Variants in LRP1B observed in about 807,000 individuals in gnomAD.
LRP1B encodes low-density lipoprotein receptor-related protein 1B.
Under a neutral mutation model 556.6 loss-of-function variants are expected in LRP1B, and 217 were observed. The ratio of observed to expected loss-of-function variants is 0.39; its 90% CI spans 0.35 to 0.44. The LOEUF is 0.44. LRP1B is among the 20% of genes least tolerant of loss of function. The probability of loss-of-function intolerance (pLI) is 1.00; values close to 1 mark genes in which losing one functional copy is unlikely to be tolerated. For missense variants in LRP1B, 5,053 were observed against 5,620.8 expected, an observed-to-expected ratio of 0.90 and a Z score of 3.23; for synonymous variants, 2,047 against 1,865.8, an observed-to-expected ratio of 1.10 and a Z score of -2.50.
chr2:140,287,007 A>T (rs907915869), intron 84 of LRP1B, among the ~76,000 whole-genome samples: 1 of 151,736 alleles, frequency 6.6e-6, no homozygotes, highest in South Asian at 2.1e-4. Flanking sequence ...GTTATAGAAT[A>T]CTGTTTGTTA....
chr2:140,663,666 A>G (rs776661485), intron 41 of LRP1B, among the ~76,000 whole-genome samples: 1 of 152,148 alleles, frequency 6.6e-6, no homozygotes, highest in Admixed American at 6.6e-5. Context: ...CCCGACCACT[A>G]AAACTTTCTC....
intron 7 of LRP1B, among the ~76,000 whole-genome samples, chr2:141,163,626 T>C (rs552432865): frequency 6.6e-6 from 1 of 152,186 alleles, no homozygotes; most frequent in African/African-American, 2.4e-5. Context: ...GGTTCTCCCA[T>C]ACTGTTCTTA....
chr2:141,507,260 G>A (rs1683965377), intron 2 of LRP1B, among the ~76,000 whole-genome samples: 1 of 152,160 alleles, frequency 6.6e-6, no homozygotes, highest in Admixed American at 6.6e-5. Context: ...CTTACTATGG[G>A]AAAGATATAC....
At position 141,744,804 on chromosome 2, in the gene LRP1B, A is replaced by C. The variant is rs369767331; in HGVS notation, c.205+65475T>G. On this transcript the variant is annotated intron_variant, in intron 2 of 90. Transcript: ENST00000389484. ...GAGTTAGGTATTTATTGTAGTCTTC[A>C]CAGTCTGGGCTTGTTTGTACCCATC... 3.3e-5 allele frequency among the ~76,000 whole-genome samples: 5 copies of C among 152,262 alleles called. No individual in the cohort carries two copies. In the East Asian group the frequency reaches 9.7e-4, roughly 29 times the overall value.
intron 7 of LRP1B, among the ~76,000 whole-genome samples, chr2:141,112,696 A>C (rs760187299): frequency 4.3e-4 from 65 of 152,202 alleles, no homozygotes; most frequent in Non-Finnish European, 8.7e-4. Context: ...AGAAGCCTGC[A>C]AGAACCTAAC....
At chr2:140,358,658 A>C (rs1462845615) in intron 73 of LRP1B, among the ~76,000 whole-genome samples, 163 bp downstream of exon 73, 1 of 151,754 alleles carries the variant, frequency 6.6e-6, no homozygotes, top group Non-Finnish European at 1.5e-5. Context: ...AAGGCAAATG[A>C]AATGCTGGTG....
At chr2:140,252,092 CAAAAAACAAA>C (rs1429547763) in intron 86 of LRP1B, among the ~76,000 whole-genome samples, 92 of 46,830 alleles carry the variant, frequency 2.0e-3, no homozygotes, top group African/African-American at 7.2e-3. Flanking sequence ...AAAAAAAACC[CAAAAAACAAA>C]AAAAAACAGA....
intron 3 of LRP1B, among the ~76,000 whole-genome samples, chr2:141,471,006 T>C (rs374118757): frequency 2.0e-5 from 3 of 152,150 alleles, no homozygotes; most frequent in East Asian, 3.9e-4. Flanking sequence ...GTTGTCGATT[T>C]TGACTTTCAT....
intron 84 of LRP1B, among the ~76,000 whole-genome samples, chr2:140,289,186 A>G (rs534450805): frequency 6.6e-6 from 1 of 152,008 alleles, no homozygotes; most frequent in African/African-American, 2.4e-5. Flanking sequence ...AATTTTATAA[A>G]CATGCTGCTG....
chr2:141,868,860 A>G (rs1471926394), intron 1 of LRP1B, among the ~76,000 whole-genome samples: 1 of 152,132 alleles, frequency 6.6e-6, no homozygotes, highest in East Asian at 1.9e-4. Flanking sequence ...TTACTGCCTA[A>G]TAACTGAGGC....
chr2:142,116,261 A>C (rs981715487), intron 1 of LRP1B, among the ~76,000 whole-genome samples: 2 of 151,536 alleles, frequency 1.3e-5, no homozygotes, highest in Non-Finnish European at 2.9e-5. Flanking sequence ...GATTAACATA[A>C]CTAATAATAG....
chr2:141,352,925 T>C (rs569221667), intron 3 of LRP1B, among the ~76,000 whole-genome samples: 7 of 152,108 alleles, frequency 4.6e-5, no homozygotes, highest in African/African-American at 1.7e-4. Context: ...TCAAAATGAT[T>C]AAAATTATAT....
chr2:141,953,879 A>T (rs1701177924), intron 1 of LRP1B, among the ~76,000 whole-genome samples: 1 of 152,124 alleles, frequency 6.6e-6, no homozygotes, highest in Non-Finnish European at 1.5e-5. Flanking sequence ...CACTGTGGTA[A>T]TTGTTGAGAC....
chr2:140,609,176 G>A (rs903734847), intron 41 of LRP1B, among the ~76,000 whole-genome samples: 13 of 152,052 alleles, frequency 8.5e-5, no homozygotes, highest in African/African-American at 3.1e-4. Context: ...GCTGTAATTC[G>A]CCATCCAAGG....
At chr2:141,003,136 G>C (rs1341130731) in intron 15 of LRP1B, among the ~76,000 whole-genome samples, 1 of 151,722 alleles carries the variant, frequency 6.6e-6, no homozygotes, top group Non-Finnish European at 1.5e-5. Flanking sequence ...GGTCATAAAT[G>C]GTAACAGAAA....
intron 41 of LRP1B, among the ~76,000 whole-genome samples, chr2:140,641,293 T>A (rs16844373): frequency 0.073 from 11,112 of 152,258 alleles, 501 homozygotes; most frequent in African/African-American, 0.11. Context: ...TCTTTAATAA[T>A]CAATAGCAAT....
intron 41 of LRP1B, among the ~76,000 whole-genome samples, chr2:140,663,009 A>G (rs902515054): frequency 1.3e-5 from 2 of 152,162 alleles, no homozygotes; most frequent in Non-Finnish European, 2.9e-5. Flanking sequence ...AAGAAAGTGC[A>G]CTAACTTTAT....
intron 45 of LRP1B, 86 bp from the exon 46 acceptor site, chr2:140,536,795 T>C (rs1266907267): frequency 8.0e-6 from 8 of 1,006,162 alleles, no homozygotes; most frequent in Admixed American, 2.9e-5. Context: ...TTAATTTTAA[T>C]TATAAAGATA....
At chr2:140,383,404 G>T (rs1169329210) in intron 67 of LRP1B, among the ~76,000 whole-genome samples, 1 of 151,578 alleles carries the variant, frequency 6.6e-6, no homozygotes, top group Non-Finnish European at 1.5e-5. Flanking sequence ...TCTAAAGCTT[G>T]TTTCTATATG....
Sources: allele counts gnomAD v4.1 joint callset (sites outside exome capture counted in the v4.1 genomes callset), GRCh38; gene constraint gnomAD v4.1.1; transcripts MANE v1.5; gene names NCBI Gene and HGNC (gene_info 2026-07-23, HGNC 2026-07-21).